The following GRID1 variants were observed in gnomAD, a reference collection of about 807,000 sequenced individuals.
GRID1 encodes glutamate receptor ionotropic, delta-1.
In GRID1, 28 loss-of-function variants were observed where a neutral mutation model predicts 98.0. That is an observed-to-expected ratio of 0.29 (90% confidence interval 0.21 to 0.39). The LOEUF is 0.39. Ranked by LOEUF, GRID1 falls within the 10% of genes least tolerant of loss-of-function variation. GRID1 has a pLI of 1.00. For synonymous variants in GRID1, 553 were observed against 538.5 expected (o/e 1.03, Z -0.37); for missense variants, 1,111 against 1,340.5 (o/e 0.83, Z 2.67).
intron 2 of GRID1, among the ~76,000 whole-genome samples, chr10:86,358,005 G>A (rs1176425890): frequency 1.3e-5 from 2 of 152,168 alleles, no homozygotes; most frequent in Non-Finnish European, 2.9e-5. Flanking sequence ...GGTCCAAGCG[G>A]CAGCACCAAC....
intron 8 of GRID1, among the ~76,000 whole-genome samples, chr10:85,785,922 A>G (rs1842424349): frequency 6.6e-6 from 1 of 151,688 alleles, no homozygotes; most frequent in African/African-American, 2.4e-5. Context: ...CCACAGACAC[A>G]CACACATCAC....
chr10:86,271,205 T>A (rs1847180176), intron 2 of GRID1, among the ~76,000 whole-genome samples: 1 of 152,214 alleles, frequency 6.6e-6, no homozygotes, highest in South Asian at 2.1e-4. Flanking sequence ...CCCTCATGAT[T>A]CACAGGACAT....
At chr10:86,043,014 G>C (rs1843368785) in intron 4 of GRID1, among the ~76,000 whole-genome samples, 1 of 151,606 alleles carries the variant, frequency 6.6e-6, no homozygotes, top group South Asian at 2.1e-4. Context: ...GAGCCAGTGA[G>C]GTCAAGGCAG....
In GRID1 at chr10:86,357,790, A is replaced by G. The variant is rs1848552359; in HGVS notation, c.235+6151T>C. 2.0e-5 allele frequency among the ~76,000 whole-genome samples: 3 copies of G among 152,134 alleles called. No homozygotes were observed. In the South Asian group the frequency reaches 6.2e-4, roughly 32 times the overall value. ...GAGAGGGGACCCAGGGCCTAACTCC[A>G]GACTATCAATGCCTGCAGCCTCATC... On this transcript the variant is annotated intron_variant, in intron 2 of 15. Transcript: ENST00000327946.
chr10:86,353,403 C>G (rs889115158), intron 2 of GRID1, among the ~76,000 whole-genome samples: 1 of 152,264 alleles, frequency 6.6e-6, no homozygotes. Context: ...CAACAGTCTC[C>G]TTGTGTATGT....
At chr10:86,124,282 A>C (rs981824607) in intron 4 of GRID1, among the ~76,000 whole-genome samples, 3 of 152,120 alleles carry the variant, frequency 2.0e-5, no homozygotes, top group African/African-American at 7.2e-5. Context: ...GAAAGCCCCC[A>C]GTGCTTTGAT....
intron 3 of GRID1, among the ~76,000 whole-genome samples, chr10:86,203,936 T>C (rs1845989654): frequency 6.6e-6 from 1 of 152,150 alleles, no homozygotes; most frequent in Non-Finnish European, 1.5e-5. Context: ...ACCAACCAGC[T>C]GCAGTGGTCC....
chr10:86,015,706 T>A (rs1842972132), intron 4 of GRID1, among the ~76,000 whole-genome samples: 1 of 152,228 alleles, frequency 6.6e-6, no homozygotes, highest in Admixed American at 6.5e-5. Flanking sequence ...AATCTTGTTC[T>A]CTGGACTTCC....
At chr10:86,218,062 C>T (rs1846201254) in intron 2 of GRID1, among the ~76,000 whole-genome samples, 1 of 152,174 alleles carries the variant, frequency 6.6e-6, no homozygotes, top group African/African-American at 2.4e-5. Context: ...GGCTCTCCCT[C>T]TTCATCTCAA....
At chr10:86,266,105 G>A (rs536234206) in intron 2 of GRID1, among the ~76,000 whole-genome samples, 2 of 152,122 alleles carry the variant, frequency 1.3e-5, no homozygotes, top group African/African-American at 4.8e-5. Flanking sequence ...CCACCCTGCT[G>A]GGGTAGTCAC....
chr10:86,355,800 C>T (rs1848526624), intron 2 of GRID1, among the ~76,000 whole-genome samples: 2 of 152,258 alleles, frequency 1.3e-5, no homozygotes, highest in Admixed American at 6.5e-5. Context: ...GAGAAAGGGG[C>T]TGTCACAGGC....
intron 4 of GRID1, among the ~76,000 whole-genome samples, chr10:85,953,164 C>T (rs1475247862): frequency 6.6e-6 from 1 of 151,884 alleles, no homozygotes; most frequent in African/African-American, 2.4e-5. Flanking sequence ...CATGGTGGTA[C>T]ATATGCACCA....
chr10:86,168,611 C>T (rs918918613), intron 3 of GRID1, among the ~76,000 whole-genome samples: 6 of 152,200 alleles, frequency 3.9e-5, no homozygotes, highest in Non-Finnish European at 8.8e-5. Context: ...GAGGAGCTGC[C>T]CTTCTTCACA....
At chr10:85,892,035 A>T (rs1841208710) in intron 5 of GRID1, among the ~76,000 whole-genome samples, 3 of 151,968 alleles carry the variant, frequency 2.0e-5, no homozygotes, top group Admixed American at 6.6e-5. Flanking sequence ...CAAAACATGC[A>T]TGATAGGGAG....
chr10:85,810,019 T>A (rs1444751962), intron 8 of GRID1, among the ~76,000 whole-genome samples: 1 of 152,202 alleles, frequency 6.6e-6, no homozygotes, highest in African/African-American at 2.4e-5. Flanking sequence ...TTACCCAAGC[T>A]GCTGGGGTGT....
At chr10:86,282,635 T>A (rs776143867) in intron 2 of GRID1, among the ~76,000 whole-genome samples, 2 of 152,018 alleles carry the variant, frequency 1.3e-5, no homozygotes, top group Non-Finnish European at 2.9e-5. Flanking sequence ...TACCCAAGGG[T>A]GGGCACGGAG....
chr10:85,757,844 G>A (rs1842113470), intron 8 of GRID1, among the ~76,000 whole-genome samples: 1 of 152,236 alleles, frequency 6.6e-6, no homozygotes, highest in South Asian at 2.1e-4. Flanking sequence ...ACTAAAAAGG[G>A]TCTGGTACAT....
chr10:85,981,468 T>C (rs1428714533), intron 4 of GRID1, among the ~76,000 whole-genome samples: 1 of 152,200 alleles, frequency 6.6e-6, no homozygotes, highest in Non-Finnish European at 1.5e-5. Flanking sequence ...TGGCTTTTGA[T>C]GGGAGCCCAG....
intron 2 of GRID1, among the ~76,000 whole-genome samples, chr10:86,357,646 G>A (rs978448604): frequency 2.0e-5 from 3 of 152,218 alleles, no homozygotes; most frequent in African/African-American, 7.2e-5. Context: ...GTGTGTGTGT[G>A]TTGCACATGC....
Sources: gnomAD v4.1 joint callset for allele counts (sites outside exome capture counted in the v4.1 genomes callset) on GRCh38, gnomAD v4.1.1 for gene constraint, MANE v1.5 for transcripts, NCBI Gene and HGNC (gene_info 2026-07-23, HGNC 2026-07-21) for gene names.